OSBPL10: variants seen among roughly 807,000 people sequenced by gnomAD.
OSBPL10 encodes the protein oxysterol-binding protein-related protein 10.
Under a neutral mutation model 81.7 loss-of-function variants are expected in OSBPL10, and 49 were observed. The observed-to-expected ratio is 0.60, with a 90% CI of 0.48 to 0.76. The LOEUF is 0.76. Among genes scored for constraint, OSBPL10 ranks in the 30% least tolerant of loss-of-function variants. The pLI is 0.00. For synonymous variants in OSBPL10, 419 were observed against 383.6 expected (o/e 1.09, Z -1.08); for missense variants, 923 against 987.8 (o/e 0.93, Z 0.88).
intron 1 of OSBPL10, among the ~76,000 whole-genome samples, chr3:31,956,791 C>T (rs1272733797): frequency 6.6e-6 from 1 of 151,710 alleles, no homozygotes; most frequent in East Asian, 1.9e-4. Flanking sequence ...ATTTGGGATA[C>T]AGCATGTCAA....
upstream of OSBPL10, chr3:31,981,419 T>G: frequency 1.8e-6 from 1 of 558,204 alleles, no homozygotes. This position sits in a 1 kb window ranked among gnomAD's most constrained non-coding sequence, Gnocchi z 4.5. Flanking sequence ...GCCCGGCCCC[T>G]CCCTCCGCAC....
chr3:31,733,245 C>T lies in OSBPL10; in HGVS notation c.1095+12G>A, dbSNP rs1362201153. 6.2e-7 allele frequency: 1 copy of T among 1,611,742 alleles called. No individual in the cohort carries two copies. The highest frequency in any genetic ancestry group is 2.2e-5 in the East Asian group (1 of 44,868). ...ACAAGCCATGAATGCACTGAGAGGA[C>T]TGCACGCTTACCTCTGGCTCTGGCT... On this transcript the variant is annotated intron_variant, in intron 6 of 11. Transcript: ENST00000396556.
chr3:31,979,789 A>T (rs1201223572), intron 1 of OSBPL10, among the ~76,000 whole-genome samples: 1 of 151,550 alleles, frequency 6.6e-6, no homozygotes, highest in Non-Finnish European at 1.5e-5. Context: ...GATCACACAC[A>T]CTACCACCAT....
intron 1 of OSBPL10, among the ~76,000 whole-genome samples, chr3:31,905,350 T>G (rs992842362): frequency 6.9e-6 from 1 of 144,066 alleles, no homozygotes; most frequent in African/African-American, 2.6e-5. Context: ...TGGTGATTTT[T>G]TTTTTTTTTT....
In OSBPL10 at chr3:31,769,479, A is replaced by C. The variant is rs1275375059; in HGVS notation, c.730-21359T>G. On this transcript the variant is annotated intron_variant, in intron 4 of 11. Transcript: ENST00000396556. ...AAAAACAAAAAAAAAACAAAAAAAAACAGAATAAAAATATATTTTATTAAA... is the reference window on the plus strand; with the variant it reads ...AAAAACAAAAAAAAAACAAAAAAAACCAGAATAAAAATATATTTTATTAAA... Among the ~76,000 whole-genome samples the C allele has an allele frequency of 1.2e-4, 16 of 138,694 alleles. 1 individual carries two copies. Among genetic ancestry groups the C allele is most frequent in the Non-Finnish European group, 2.3e-4 (15 of 64,104 alleles). 91.0% of individuals were successfully genotyped at this position (138,694 alleles called of 152,430 possible). A position where few individuals can be genotyped will look rare whatever the true frequency, so the allele number is the denominator to read the frequency against.
intron 4 of OSBPL10, among the ~76,000 whole-genome samples, chr3:31,807,655 T>C (rs1699556817): frequency 6.6e-6 from 1 of 152,062 alleles, no homozygotes; most frequent in Non-Finnish European, 1.5e-5. Flanking sequence ...GGAGGATCAC[T>C]TGAGTCCAGA....
intron 2 of OSBPL10, among the ~76,000 whole-genome samples, chr3:32,010,179 G>T (rs1699240651): frequency 6.6e-6 from 1 of 151,764 alleles, no homozygotes; most frequent in African/African-American, 2.4e-5. Flanking sequence ...AGAAATGCAG[G>T]TGCACAGAGG....
intron 6 of OSBPL10, among the ~76,000 whole-genome samples, chr3:31,711,492 G>C (rs73066091): frequency 5.9e-5 from 9 of 152,246 alleles, no homozygotes; most frequent in Non-Finnish European, 1.0e-4. Context: ...CAACACAAAG[G>C]GTGGTTTATA....
chr3:31,828,335 A>G (rs2125524320), intron 4 of OSBPL10, among the ~76,000 whole-genome samples: 1 of 152,344 alleles, frequency 6.6e-6, no homozygotes. Context: ...CAGATAAAAC[A>G]AGAACAATGG....
rs983703747 is a variant in OSBPL10 at position 31,752,633 on chromosome 3, A to C, written c.730-4513T>G. On this transcript the variant is annotated intron_variant, in intron 4 of 11. Coordinates refer to ENST00000396556, the MANE Select transcript of OSBPL10 (RefSeq NM_017784.5). ...AGAAGAAGAAAAAAACAAGTCAAAA[A>C]AGCTGAAACGAAGATGCAAAGATCA... Among the ~76,000 whole-genome samples the C allele has an allele frequency of 3.3e-5, 5 of 152,328 alleles. No individual in the cohort carries two copies. In the South Asian group the frequency reaches 6.2e-4, roughly 19 times the overall value.
chr3:31,706,249 C>G (rs1024786652), intron 6 of OSBPL10, among the ~76,000 whole-genome samples: 3 of 152,118 alleles, frequency 2.0e-5, no homozygotes, highest in African/African-American at 7.2e-5. Flanking sequence ...GACCTGTGCC[C>G]GGAGCAAGGG....
intron 4 of OSBPL10, among the ~76,000 whole-genome samples, chr3:31,777,568 C>A (rs1698577932): frequency 6.6e-6 from 1 of 152,186 alleles, no homozygotes; most frequent in Admixed American, 6.5e-5. Flanking sequence ...ACAGTGTGGA[C>A]TTTTGTTCCA....
At chr3:31,858,012 T>A (rs1383143058) in intron 3 of OSBPL10, among the ~76,000 whole-genome samples, 1 of 149,998 alleles carries the variant, frequency 6.7e-6, no homozygotes, top group Admixed American at 6.6e-5. Flanking sequence ...TTTTTTTTTT[T>A]TGAGACAAGG....
intron 2 of OSBPL10, among the ~76,000 whole-genome samples, chr3:32,015,962 A>T (rs1034191510): frequency 2.0e-5 from 3 of 152,220 alleles, no homozygotes; most frequent in Admixed American, 6.5e-5. Context: ...GCTGGAGAGG[A>T]TGTGGAGAAA....
intron 4 of OSBPL10, among the ~76,000 whole-genome samples, chr3:31,763,126 G>A (rs913764080): frequency 4.0e-4 from 61 of 152,284 alleles, no homozygotes; most frequent in African/African-American, 1.2e-3. Context: ...AAGCAAAGAC[G>A]TAATAAGAAA....
intron 8 of OSBPL10, among the ~76,000 whole-genome samples, chr3:31,678,622 T>C (rs1335852485): frequency 6.6e-6 from 1 of 152,200 alleles, no homozygotes; most frequent in Non-Finnish European, 1.5e-5. Flanking sequence ...AATTAGGGGC[T>C]CACAGACTGG....
chr3:31,800,490 CTAA>C (rs1699352255), intron 4 of OSBPL10, among the ~76,000 whole-genome samples: 1 of 152,212 alleles, frequency 6.6e-6, no homozygotes, highest in African/African-American at 2.4e-5. Context: ...CCTGGGCATG[CTAA>C]TAAGAACGTA....
upstream of OSBPL10, chr3:31,986,270 CAG>C (rs1307762197): frequency 3.9e-5 from 6 of 152,228 alleles, no homozygotes; most frequent in African/African-American, 1.4e-4. Context: ...GAGGAAGAAA[CAG>C]AAACTCAAAG....
At chr3:31,742,915 C>G (rs778818971) in intron 5 of OSBPL10, among the ~76,000 whole-genome samples, 1 of 152,030 alleles carries the variant, frequency 6.6e-6, no homozygotes. Context: ...AAAACAGATA[C>G]CCAGTCCCCA....
Sources: allele counts gnomAD v4.1 joint callset (sites outside exome capture counted in the v4.1 genomes callset), GRCh38; gene constraint gnomAD v4.1.1; non-coding constraint Gnocchi (gnomAD v3.1); transcripts MANE v1.5; gene names NCBI Gene and HGNC (gene_info 2026-07-23, HGNC 2026-07-21).